The following TRPC4 variants were observed in gnomAD, a reference collection of about 807,000 sequenced individuals.
TRPC4 encodes the protein transient receptor potential cation channel subfamily C member 4.
TRPC4 carries 49 observed loss-of-function variants against 99.4 expected under a neutral mutation model. That is an observed-to-expected ratio of 0.49 (90% CI 0.39 to 0.63). TRPC4 has a LOEUF of 0.63. Among genes scored for constraint, TRPC4 ranks in the 20% least tolerant of loss-of-function variants. The pLI, the probability that TRPC4 is intolerant of heterozygous loss-of-function variation, is 0.00. For synonymous variants in TRPC4, 454 were observed against 425.9 expected (o/e 1.07, Z -0.81); for missense variants, 898 against 1,152.9 (o/e 0.78, Z 3.20).
At chr13:37,701,268 G>A (rs140992262) in intron 3 of TRPC4, among the ~76,000 whole-genome samples, 124 of 152,212 alleles carry the variant, frequency 8.1e-4, no homozygotes, top group African/African-American at 2.8e-3. Flanking sequence ...ATTCTTTGGC[G>A]TAATTTTATT....
chr13:37,677,109 T>A (rs1953086335), intron 4 of TRPC4, among the ~76,000 whole-genome samples: 1 of 152,066 alleles, frequency 6.6e-6, no homozygotes, highest in Non-Finnish European at 1.5e-5. Flanking sequence ...GTCATAAGGT[T>A]CTTATACTAC....
At position 37,684,203 on chromosome 13, in the gene TRPC4, C is replaced by T. The variant is rs73456477; in HGVS notation, c.1234+7796G>A. ...CTACAGTAACCATAATTTTAGTCAG[C>T]AGACCATACTTCAAAAAACACTGAC... On this transcript the variant is annotated intron_variant, in intron 4 of 10. Coordinates refer to ENST00000379705, the MANE Select transcript of TRPC4 (RefSeq NM_016179.4). 9.1e-3 allele frequency among the ~76,000 whole-genome samples: 1,381 copies of T among 152,196 alleles called. 19 individuals are homozygous for T. The highest frequency in any genetic ancestry group is 0.031 in the African/African-American group (1,305 of 41,526).
At chr13:37,741,354 GT>G (rs571791078) in intron 3 of TRPC4, among the ~76,000 whole-genome samples, 125 of 152,314 alleles carry the variant, frequency 8.2e-4, no homozygotes, top group African/African-American at 3.0e-3. Flanking sequence ...CAAGGGACAA[GT>G]TTTTTGTCTA....
chr13:37,746,175 G>T lies in TRPC4; in HGVS notation c.659C>A (p.Ala220Asp), dbSNP rs373974341. 2 of 1,613,778 alleles carry T rather than the reference G, an allele frequency of 1.2e-6. No homozygotes were observed. The highest frequency in any genetic ancestry group is 1.7e-6 in the Non-Finnish European group (2 of 1,179,868). Residue 220 changes from alanine to aspartate, a missense_variant, in exon 3 of 11, where the codon GCC becomes GAC. Coordinates refer to ENST00000379705, the MANE Select transcript of TRPC4 (RefSeq NM_016179.4). ...CTGAAGTTCCCAACTTAACTGAAAGGCTGTGAGAAAAGGATCTTCGCTTGA... is the reference window on the plus strand; with the variant it reads ...CTGAAGTTCCCAACTTAACTGAAAGTCTGTGAGAAAAGGATCTTCGCTTGA... The part of the protein sequence containing the change: ...ALSSEDPFLT[A>D]FQLSWELQEL...
intron 1 of TRPC4, among the ~76,000 whole-genome samples, chr13:37,829,435 G>C (rs1958346310): frequency 6.6e-6 from 1 of 152,260 alleles, no homozygotes; most frequent in Admixed American, 6.5e-5. Flanking sequence ...CACTGGGATA[G>C]CTTCAATTAA....
chr13:37,746,564 CG>C (rs67700792), intron 2 of TRPC4, 109 bp from the exon 3 acceptor site: 412,095 of 953,844 alleles, frequency 0.43, 49,529 homozygotes, highest in Non-Finnish European at 0.46. Flanking sequence ...TGTCCTTGGC[CG>C]GGTTTTTTTT....
At chr13:37,674,840 G>A (rs556614887) in intron 4 of TRPC4, among the ~76,000 whole-genome samples, 122 of 152,076 alleles carry the variant, frequency 8.0e-4, no homozygotes, top group Non-Finnish European at 1.1e-3. Context: ...TTCAGAGACC[G>A]GACTTCAATC....
At chr13:37,742,215 T>C (rs545352696) in intron 3 of TRPC4, among the ~76,000 whole-genome samples, 5 of 152,286 alleles carry the variant, frequency 3.3e-5, no homozygotes, top group African/African-American at 9.6e-5. Context: ...CACAGAGCTT[T>C]CTCTTTGGAT....
intron 7 of TRPC4, among the ~76,000 whole-genome samples, chr13:37,653,395 AAAAG>A (rs1397635449): frequency 1.3e-5 from 2 of 151,758 alleles, no homozygotes; most frequent in South Asian, 2.1e-4. Flanking sequence ...GTTAACAAGA[AAAAG>A]AAAGAAAGAG....
chr13:37,691,542 T>A (rs1953712709), intron 4 of TRPC4, among the ~76,000 whole-genome samples: 1 of 152,222 alleles, frequency 6.6e-6, no homozygotes, highest in African/African-American at 2.4e-5. Context: ...TATTTTAAAT[T>A]AATATAGATT....
At chr13:37,771,052 G>A (rs17056618) in intron 2 of TRPC4, among the ~76,000 whole-genome samples, 15,162 of 151,510 alleles carry the variant, frequency 0.1, 1,112 homozygotes, top group African/African-American at 0.21. Context: ...TCTCACAAAA[G>A]ATAGATGTGA....
rs370630524 is a variant in TRPC4 at position 37,822,769 on chromosome 13, A to C, written c.-27-39409T>G. Among the ~76,000 whole-genome samples, 63 of 151,976 alleles carry C rather than the reference A, an allele frequency of 4.1e-4. No homozygotes were observed. The South Asian group carries it at 6.2e-3, about 15-fold the overall frequency. On this transcript the variant is annotated intron_variant, in intron 1 of 10. Coordinates refer to ENST00000379705, the MANE Select transcript of TRPC4 (RefSeq NM_016179.4). ...TCTTTATAGCAGCATGATTTATAGTACTTTGGGTATATACCCAGTAATGGG... is the reference window on the plus strand; with the variant it reads ...TCTTTATAGCAGCATGATTTATAGTCCTTTGGGTATATACCCAGTAATGGG...
intron 1 of TRPC4, among the ~76,000 whole-genome samples, chr13:37,802,468 T>C (rs1375140552): frequency 6.6e-6 from 1 of 152,124 alleles, no homozygotes; most frequent in Non-Finnish European, 1.5e-5. Flanking sequence ...CTATAGAATG[T>C]CCCTCAACTT....
intron 6 of TRPC4, among the ~76,000 whole-genome samples, chr13:37,663,145 A>G (rs960786722): frequency 6.6e-5 from 10 of 152,206 alleles, no homozygotes; most frequent in Non-Finnish European, 1.5e-4. Context: ...TTCTACATCA[A>G]AAAAATAGTA....
chr13:37,709,098 G>A (rs1398529096), intron 3 of TRPC4, among the ~76,000 whole-genome samples: 1 of 151,966 alleles, frequency 6.6e-6, no homozygotes, highest in Non-Finnish European at 1.5e-5. Context: ...AGAGTGTGGA[G>A]GCAGAAAAAC....
intron 1 of TRPC4, among the ~76,000 whole-genome samples, chr13:37,797,166 C>A (rs1238241566): frequency 6.6e-6 from 1 of 151,188 alleles, no homozygotes; most frequent in Non-Finnish European, 1.5e-5. Flanking sequence ...GGTGACACAG[C>A]AAGACCTGTC....
rs114028646 is a variant in TRPC4 at position 37,714,425 on chromosome 13, C to T, written c.898-22090G>A. ...TACAGGCGTAAGCCACTGTGCTGGG[C>T]CTATTTCTTATCTGACATATTTCAG... is the stretch of plus-strand genomic sequence containing the variant. On this transcript the variant is annotated intron_variant, in intron 3 of 10. Transcript: ENST00000379705. Among the ~76,000 whole-genome samples the T allele has an allele frequency of 8.3e-3, 1,267 of 152,284 alleles. 15 individuals carry two copies. Among genetic ancestry groups the T allele is most frequent in the African/African-American group, 0.028 (1,177 of 41,560 alleles).
At chr13:37,814,831 T>A (rs1957800382) in intron 1 of TRPC4, among the ~76,000 whole-genome samples, 3 of 151,786 alleles carry the variant, frequency 2.0e-5, no homozygotes, top group African/African-American at 7.2e-5. Flanking sequence ...GACAAGCTGA[T>A]TCTCAAATGT....
At chr13:37,757,406 A>G (rs896944863) in intron 2 of TRPC4, among the ~76,000 whole-genome samples, 1 of 152,090 alleles carries the variant, frequency 6.6e-6, no homozygotes. Flanking sequence ...TCCCTAAGTT[A>G]AGAAGCTCTT....
Sources: allele counts gnomAD v4.1 joint callset (sites outside exome capture counted in the v4.1 genomes callset), GRCh38; gene constraint gnomAD v4.1.1; transcripts MANE v1.5; gene names NCBI Gene and HGNC (gene_info 2026-07-23, HGNC 2026-07-21).